Variants in LPAR1 observed in about 807,000 individuals in gnomAD.
LPAR1 encodes LPA receptor 1.
In LPAR1, 5 loss-of-function variants were observed where a neutral mutation model predicts 23.8. The ratio of observed to expected loss-of-function variants is 0.21; its 90% CI spans 0.11 to 0.44. The LOEUF is 0.44. LPAR1 is among the 20% of genes least tolerant of loss of function. The pLI is 0.99. For missense variants in LPAR1, 311 were observed against 482.8 expected (o/e 0.64, Z 3.33); for synonymous variants, 160 against 164.7 (o/e 0.97, Z 0.22).
At chr9:110,880,458 G>C (rs2080440794) in intron 5 of LPAR1, among the ~76,000 whole-genome samples, 1 of 152,066 alleles carries the variant, frequency 6.6e-6, no homozygotes, top group Non-Finnish European at 1.5e-5. Flanking sequence ...GTTGAACTTT[G>C]CTTACATATG....
At chr9:110,919,939 C>G (rs536831184) in intron 5 of LPAR1, among the ~76,000 whole-genome samples, 1 of 152,180 alleles carries the variant, frequency 6.6e-6, no homozygotes, top group Non-Finnish European at 1.5e-5. Context: ...CATCTATGTA[C>G]GTAGTTGTTC....
rs72764220 is a variant in LPAR1 at position 110,897,744 on chromosome 9, G to A, written c.794-22022C>T. Among the ~76,000 whole-genome samples the A allele has an allele frequency of 5.1e-3, 771 of 149,742 alleles. 3 individuals carry two copies. Among genetic ancestry groups the A allele is most frequent in the Non-Finnish European group, 8.9e-3 (603 of 67,474 alleles). On this transcript the variant is annotated intron_variant, in intron 5 of 5. Coordinates refer to ENST00000683809, the MANE Select transcript of LPAR1 (RefSeq NM_001351411.2). Reference sequence around the variant, plus strand: ...AAAGACAACTGGAGAACTAATTCTAGAAAGATAGGGAGAAACATTGAAAAG... The same window carrying A: ...AAAGACAACTGGAGAACTAATTCTAAAAAGATAGGGAGAAACATTGAAAAG...
chr9:111,004,070 T>C (rs1295500556), intron 2 of LPAR1, among the ~76,000 whole-genome samples: 1 of 152,206 alleles, frequency 6.6e-6, no homozygotes, highest in Non-Finnish European at 1.5e-5. Flanking sequence ...GGCTCCATCC[T>C]TCACCCAGTA....
At chr9:110,915,533 G>T (rs140249074) in intron 5 of LPAR1, among the ~76,000 whole-genome samples, 159 of 152,188 alleles carry the variant, frequency 1.0e-3, no homozygotes, top group African/African-American at 3.5e-3. Flanking sequence ...GAGACAGAGT[G>T]AGACTCTGTC....
intron 2 of LPAR1, among the ~76,000 whole-genome samples, chr9:111,031,654 C>T (rs2141593388): frequency 6.6e-6 from 1 of 152,164 alleles, no homozygotes; most frequent in East Asian, 1.9e-4. Flanking sequence ...TTCTAGAAAG[C>T]AAACTATATA....
In LPAR1 at chr9:110,873,412, G is replaced by A. The variant is rs866822347; in HGVS notation, c.*2009C>T. The A allele has an allele frequency of 3.3e-5, 5 of 152,004 alleles. No homozygotes were observed. Among genetic ancestry groups the A allele is most frequent in the East Asian group, 1.9e-4 (1 of 5,198 alleles). 9.4% of individuals were successfully genotyped at this position (152,004 alleles called of 1,614,324 possible). ...GTATTCTGTATTTTGTATAAAGTAC[G>A]TGCAAACACCTTTCTGCTAATCGGG... On this transcript the variant is annotated 3_prime_UTR_variant, in exon 6 of 6. Coordinates refer to ENST00000683809, the MANE Select transcript of LPAR1 (RefSeq NM_001351411.2).
intron 2 of LPAR1, among the ~76,000 whole-genome samples, chr9:111,028,862 G>A (rs2097748852): frequency 6.6e-6 from 1 of 152,060 alleles, no homozygotes; most frequent in Non-Finnish European, 1.5e-5. Context: ...AACTATATCT[G>A]CAACTTCCCC....
chr9:110,995,873 A>G (rs1238678744), intron 2 of LPAR1, among the ~76,000 whole-genome samples: 1 of 152,196 alleles, frequency 6.6e-6, no homozygotes, highest in African/African-American at 2.4e-5. Context: ...TTTTCCTGTT[A>G]TGAAAGGGTT....
chr9:110,986,160 T>C (rs971375838), intron 2 of LPAR1, among the ~76,000 whole-genome samples: 14 of 152,124 alleles, frequency 9.2e-5, no homozygotes, highest in Non-Finnish European at 1.5e-5. Context: ...GCCATTTGCA[T>C]AGGGACCTAG....
intron 5 of LPAR1, among the ~76,000 whole-genome samples, chr9:110,888,436 T>A (rs1459571354): frequency 6.6e-6 from 1 of 152,186 alleles, no homozygotes; most frequent in Non-Finnish European, 1.5e-5. Context: ...CCAATTTACA[T>A]TAATTGAATG....
chr9:110,983,765 A>C (rs1488601564), intron 2 of LPAR1, among the ~76,000 whole-genome samples: 1 of 151,294 alleles, frequency 6.6e-6, no homozygotes, highest in African/African-American at 2.5e-5. Flanking sequence ...AAATCCCATT[A>C]AAAAAATCAA....
chr9:110,958,172 C>T (rs2095825723), intron 4 of LPAR1, among the ~76,000 whole-genome samples: 2 of 152,120 alleles, frequency 1.3e-5, no homozygotes, highest in African/African-American at 4.8e-5. Context: ...TCTACAGATT[C>T]AATGCAATCT....
intron 2 of LPAR1, among the ~76,000 whole-genome samples, chr9:111,013,031 C>T (rs1475629314): frequency 1.3e-5 from 2 of 152,052 alleles, no homozygotes; most frequent in East Asian, 1.9e-4. Flanking sequence ...TAAGCAAACT[C>T]GTCATGAAAA....
intron 5 of LPAR1, among the ~76,000 whole-genome samples, chr9:110,896,627 A>G (rs2086425728): frequency 6.6e-6 from 1 of 152,144 alleles, no homozygotes. Context: ...CAAGAATAGT[A>G]CACTAAGGAT....
rs1380935931 is a variant in LPAR1 at position 110,911,823 on chromosome 9, T to C, written c.793+29598A>G. Among the ~76,000 whole-genome samples, 5 of 152,348 alleles carry C rather than the reference T, an allele frequency of 3.3e-5. No homozygotes were observed. In the East Asian group the frequency reaches 7.7e-4, roughly 24 times the overall value. ...TCACTTTATTGCAATATTTGCTCTA[T>C]TGCAGTGGTCTGGAACCAAATCTGC... On this transcript the variant is annotated intron_variant, in intron 5 of 5. Coordinates refer to ENST00000683809, the MANE Select transcript of LPAR1 (RefSeq NM_001351411.2).
rs957482188 is a variant in LPAR1, at chr9:110,991,627, T to G, written c.-181-18069A>C. Among the ~76,000 whole-genome samples, 109 of 150,912 alleles carry G rather than the reference T, an allele frequency of 7.2e-4. 1 individual carries two copies. The highest frequency in any genetic ancestry group is 4.9e-5 in the African/African-American group (2 of 40,798). On this transcript the variant is annotated intron_variant, in intron 2 of 5. Transcript: ENST00000683809. ...TGTTGTTGTTGTTGTTGTTGTTTTTTGGGACAGTTTCACTCTTGTTGCCCA... is the reference window on the plus strand; with the variant it reads ...TGTTGTTGTTGTTGTTGTTGTTTTTGGGGACAGTTTCACTCTTGTTGCCCA...
intron 4 of LPAR1, among the ~76,000 whole-genome samples, chr9:110,969,287 A>G (rs2096329845): frequency 6.6e-6 from 1 of 152,138 alleles, no homozygotes; most frequent in African/African-American, 2.4e-5. Context: ...ACTTCTCCCT[A>G]AAAATACACA....
rs147153776 is a variant in LPAR1 at position 110,954,004 on chromosome 9, T to C, written c.46-11836A>G. Among the ~76,000 whole-genome samples, 608 of 152,048 alleles carry C rather than the reference T, an allele frequency of 4.0e-3. 1 individual carries two copies. The highest frequency in any genetic ancestry group is 0.014 in the African/African-American group (573 of 41,526). On this transcript the variant is annotated intron_variant, in intron 4 of 5. Transcript: ENST00000683809. ...ATCCAGGACAAAGAATTCAAAATAA[T>C]AATATTTTAAAAAATAGTGAATTAT...
chr9:110,952,772 C>T (rs771869625), intron 4 of LPAR1, among the ~76,000 whole-genome samples: 1 of 152,236 alleles, frequency 6.6e-6, no homozygotes, highest in African/African-American at 2.4e-5. Flanking sequence ...CACTGCAGAA[C>T]TGAGGATCAC....
Sources: gnomAD v4.1 joint callset for allele counts (sites outside exome capture counted in the v4.1 genomes callset) on GRCh38, gnomAD v4.1.1 for gene constraint, MANE v1.5 for transcripts, NCBI Gene and HGNC (gene_info 2026-07-23, HGNC 2026-07-21) for gene names.